Variants in PCDH15 observed in about 807,000 individuals in gnomAD.
The protein encoded by PCDH15 is protocadherin related 15, also known as protocadherin-15.
Under a neutral mutation model 178.5 loss-of-function variants are expected in PCDH15, and 129 were observed. The observed-to-expected ratio is 0.72, with a 90% CI of 0.63 to 0.84. The LOEUF (loss-of-function observed/expected upper bound fraction) is 0.84. Ranked by LOEUF, PCDH15 falls within the 40% of genes least tolerant of loss-of-function variation. The probability of loss-of-function intolerance (pLI) is 0.00; values close to 1 mark genes in which losing one functional copy is unlikely to be tolerated. For missense variants in PCDH15, 2,230 were observed against 2,099.9 expected (o/e 1.06, Z -1.21); for synonymous variants, 800 against 732.0 (o/e 1.09, Z -1.50).
intron 2 of PCDH15, among the ~76,000 whole-genome samples, chr10:55,482,507 G>A (rs572764895): frequency 1.3e-5 from 2 of 151,766 alleles, no homozygotes; most frequent in Non-Finnish European, 2.9e-5. Flanking sequence ...TACAAGGCAG[G>A]TCTGGTGGTA....
intron 1 of PCDH15, among the ~76,000 whole-genome samples, chr10:55,206,893 G>T (rs1217457053): frequency 3.3e-5 from 5 of 152,066 alleles, no homozygotes; most frequent in Non-Finnish European, 5.9e-5. Flanking sequence ...AATGATTTTT[G>T]ACCTCTTAAA....
At chr10:55,558,006 T>C (rs951627742) in intron 2 of PCDH15, among the ~76,000 whole-genome samples, 3 of 152,058 alleles carry the variant, frequency 2.0e-5, no homozygotes, top group African/African-American at 7.2e-5. Flanking sequence ...ATATTCACCA[T>C]GGAGAGGGCA....
At position 54,559,605 on chromosome 10, in the gene PCDH15, T is replaced by A. The variant is rs929296995; in HGVS notation, c.92-31728A>T. 5.3e-5 allele frequency among the ~76,000 whole-genome samples: 8 copies of A among 152,082 alleles called. No homozygotes were observed. In the South Asian group the frequency reaches 1.4e-3, roughly 28 times the overall value. On this transcript the variant is annotated intron_variant, in intron 2 of 37. Transcript: ENST00000644397. Reference sequence around the variant, plus strand: ...ACAGGAATACAGTATATGATTGAATTTTTTTTCTATCTACAGCTTGCAATG... The same window carrying A: ...ACAGGAATACAGTATATGATTGAATATTTTTTCTATCTACAGCTTGCAATG...
intron 3 of PCDH15, among the ~76,000 whole-genome samples, chr10:54,436,857 A>T (rs2136095409): frequency 6.6e-6 from 1 of 152,346 alleles, no homozygotes; most frequent in East Asian, 1.9e-4. Flanking sequence ...AATGCAAAGC[A>T]TGAGTTTAAT....
chr10:54,816,178 G>A (rs1392372891), intron 3 of PCDH15, among the ~76,000 whole-genome samples: 3 of 151,852 alleles, frequency 2.0e-5, no homozygotes, highest in Admixed American at 2.0e-4. Flanking sequence ...TATATTCCAG[G>A]TACCTATGAA....
At chr10:55,316,420 C>T (rs564986067) in intron 1 of PCDH15, among the ~76,000 whole-genome samples, 2 of 152,010 alleles carry the variant, frequency 1.3e-5, no homozygotes, top group Non-Finnish European at 2.9e-5. Flanking sequence ...CTAGAATTGC[C>T]AGATGTTTAT....
intron 25 of PCDH15, among the ~76,000 whole-genome samples, chr10:53,915,447 C>A (rs1170958063): frequency 6.6e-6 from 1 of 152,132 alleles, no homozygotes; most frequent in African/African-American, 2.4e-5. Context: ...TTAGCCTTTG[C>A]ATAATATTAA....
In PCDH15 at chr10:55,605,007, A is replaced by G. The variant is rs147002799; in HGVS notation, c.-156+22618T>C. On this transcript the variant is annotated intron_variant, in intron 2 of 5. Coordinates refer to the PCDH15 transcript ENST00000613346. The stretch of plus-strand genomic sequence containing the variant: ...AATAGATAGACCACTAGCAAGACTA[A>G]TAAAGAAAACAAGAGAGAAGAATCA... Among the ~76,000 whole-genome samples, 1,359 of 152,316 alleles carry G rather than the reference A, an allele frequency of 8.9e-3. 19 individuals carry two copies. Among genetic ancestry groups the G allele is most frequent in the African/African-American group, 0.031 (1,276 of 41,570 alleles).
At chr10:55,048,705 T>G (rs954246755) in intron 2 of PCDH15, among the ~76,000 whole-genome samples, 18 of 151,922 alleles carry the variant, frequency 1.2e-4, no homozygotes, top group African/African-American at 4.1e-4. Context: ...ATTTATCATT[T>G]GTTTTTATTA....
At chr10:55,318,581 G>T (rs527844135) in intron 1 of PCDH15, among the ~76,000 whole-genome samples, 61 of 152,050 alleles carry the variant, frequency 4.0e-4, no homozygotes, top group Non-Finnish European at 7.1e-4. Context: ...AGAATTCAGT[G>T]CAGAGAAAAT....
intron 1 of PCDH15, among the ~76,000 whole-genome samples, chr10:55,187,464 CAGA>C (rs1296902918): frequency 2.0e-5 from 3 of 151,792 alleles, no homozygotes; most frequent in African/African-American, 7.3e-5. Context: ...ATGTTAGGAT[CAGA>C]AGGACCATCG....
intron 15 of PCDH15, among the ~76,000 whole-genome samples, chr10:54,097,439 A>G (rs1390166058): frequency 6.6e-6 from 1 of 152,104 alleles, no homozygotes; most frequent in Non-Finnish European, 1.5e-5. Context: ...ACCTTATTCA[A>G]CTATTTGCTG....
chr10:54,516,609 G>A (rs2082248569), intron 3 of PCDH15, among the ~76,000 whole-genome samples: 1 of 152,174 alleles, frequency 6.6e-6, no homozygotes, highest in South Asian at 2.1e-4. Context: ...GTGACGGGGA[G>A]AATGGAACCA....
Position 54,243,850 on chromosome 10 carries a change from G to GTTAAAAAAT in PCDH15, c.877-6920_877-6919insATTTTTTAA, listed in dbSNP as rs1591385374. ...TTAAAAAATAGTAACGAATTGGGGT[G>GTTAAAAAAT]AGTAGTATGGGCCAAGCCAATTACT... On this transcript the variant is annotated intron_variant, in intron 8 of 37. Coordinates refer to ENST00000644397, the MANE Select transcript of PCDH15 (RefSeq NM_001384140.1). 2.6e-5 allele frequency among the ~76,000 whole-genome samples: 4 copies of GTTAAAAAAT among 152,030 alleles called. No homozygotes were observed. In the East Asian group the frequency reaches 7.9e-4, roughly 30 times the overall value.
chr10:54,195,323 C>T lies in PCDH15; in HGVS notation c.1305+360G>A, dbSNP rs186694986. On this transcript the variant is annotated intron_variant, in intron 11 of 37. Coordinates refer to ENST00000644397, the MANE Select transcript of PCDH15 (RefSeq NM_001384140.1). Reference sequence around the variant, plus strand: ...CTCTGAGAATCACAATCTAGGGGTGCTTTCATGATTTTTTACTCATGTAGT... The same window carrying T: ...CTCTGAGAATCACAATCTAGGGGTGTTTTCATGATTTTTTACTCATGTAGT... Among the ~76,000 whole-genome samples, 565 of 152,228 alleles carry T rather than the reference C, an allele frequency of 3.7e-3. 6 individuals carry two copies. Among genetic ancestry groups the T allele is most frequent in the Non-Finnish European group, 5.8e-3 (394 of 68,004 alleles).
Position 54,670,805 on chromosome 10 carries a change from T to G in PCDH15, c.-28-6515A>C, listed in dbSNP as rs1481089749. On this transcript the variant is annotated intron_variant, in intron 1 of 37. Coordinates refer to ENST00000644397, the MANE Select transcript of PCDH15 (RefSeq NM_001384140.1). ...TTTAGTGCATATCAGACACTAAGCT[T>G]CTACTATAGAAATAAATTATTCCAT... Among the ~76,000 whole-genome samples the G allele has an allele frequency of 2.0e-5, 3 of 152,262 alleles. No homozygotes were observed. The East Asian group carries it at 5.8e-4, about 29-fold the overall frequency.
chr10:54,272,245 T>G (rs1429772611), intron 8 of PCDH15, among the ~76,000 whole-genome samples: 1 of 151,812 alleles, frequency 6.6e-6, no homozygotes, highest in Non-Finnish European at 1.5e-5. Context: ...AATTTAATTT[T>G]GTTTACAGCT....
At chr10:55,124,588 C>G (rs938628355) in intron 2 of PCDH15, among the ~76,000 whole-genome samples, 2 of 152,074 alleles carry the variant, frequency 1.3e-5, no homozygotes, top group Non-Finnish European at 2.9e-5. Context: ...AAACTATAGA[C>G]ACAGGTTCTT....
At chr10:54,845,802 G>A (rs1405886873) in intron 3 of PCDH15, among the ~76,000 whole-genome samples, 1 of 152,016 alleles carries the variant, frequency 6.6e-6, no homozygotes, top group Admixed American at 6.6e-5. Context: ...GATGTTCACT[G>A]TCTTTAACAT....
Sources: gnomAD v4.1 joint callset for allele counts (sites outside exome capture counted in the v4.1 genomes callset) on GRCh38, gnomAD v4.1.1 for gene constraint, MANE v1.5 for transcripts, NCBI Gene and HGNC (gene_info 2026-07-23, HGNC 2026-07-21) for gene names.